CD33: variants seen among roughly 807,000 people sequenced by gnomAD.
CD33 encodes the protein CD33 molecule.
CD33 carries 25 observed loss-of-function variants against 31.4 expected under a neutral mutation model. That is an observed-to-expected ratio of 0.80 (90% confidence interval 0.58 to 1.11). The LOEUF is 1.11. CD33 is among the 50% of genes most tolerant of loss of function. The probability of loss-of-function intolerance (pLI) is 0.00; values close to 1 mark genes in which losing one functional copy is unlikely to be tolerated. For synonymous variants in CD33, 176 were observed against 180.6 expected, an observed-to-expected ratio of 0.97 and a Z score of 0.20; for missense variants, 407 against 448.1, an observed-to-expected ratio of 0.91 and a Z score of 0.83.
At chr19:51,224,047 G>A (rs1980817180), upstream of CD33, among the ~76,000 whole-genome samples, 1 of 152,202 alleles carries the variant, frequency 6.6e-6, no homozygotes, top group Admixed American at 6.5e-5. Flanking sequence ...CACGAATGGT[G>A]GCTCACCAGT....
chr19:51,231,629 A>T, intron 4 of CD33, among the ~76,000 whole-genome samples: 1 of 133,138 alleles, frequency 7.5e-6, no homozygotes, highest in African/African-American at 2.9e-5. Context: ...TAGTGATAAG[A>T]TTTGATTCCT....
rs1980991983 is a variant in CD33, at chr19:51,225,972, G to C, written c.588G>C (p.Val196=). 2 of 1,614,012 alleles carry C rather than the reference G, an allele frequency of 1.2e-6. No homozygotes were observed. Among genetic ancestry groups the C allele is most frequent in the South Asian group, 2.2e-5 (2 of 91,080 alleles). The change falls in exon 3 of 7, where the codon GTG becomes GTC. Residue 196 remains valine, a synonymous_variant. Coordinates refer to ENST00000262262, the MANE Select transcript of CD33 (RefSeq NM_001772.4). ...GCCCCAGGACTACTCACTCCTCGGT[G>C]CTCATAATCACCCCACGGCCCCAGG... ...SLGPRTTHSS[V]LIITPRPQDH... is the part of the protein sequence containing the mutation.
intron 6 of CD33, chr19:51,235,958 A>G (rs998620778): frequency 1.9e-5 from 13 of 692,092 alleles, no homozygotes; most frequent in East Asian, 1.1e-4. Flanking sequence ...GGAGATTGAG[A>G]CTATCCTGGC....
chr19:51,225,690 AG>A, intron 2 of CD33, 92 bp downstream of exon 2: 1 of 1,533,912 alleles, frequency 6.5e-7, no homozygotes, highest in Non-Finnish European at 8.8e-7. Context: ...GGAGGGGTTT[AG>A]GGGTAAAGCC....
At chr19:51,223,025 G>A (rs1273053065), upstream of CD33, among the ~76,000 whole-genome samples, 1 of 151,962 alleles carries the variant, frequency 6.6e-6, no homozygotes, top group Non-Finnish European at 1.5e-5. Context: ...ATCAGCCTGG[G>A]GGAACATAGC....
At chr19:51,234,031 G>A (rs1981607010) in intron 4 of CD33, among the ~76,000 whole-genome samples, 1 of 151,684 alleles carries the variant, frequency 6.6e-6, no homozygotes, top group African/African-American at 2.4e-5. Flanking sequence ...TTGCTCCAAT[G>A]GGGGCATTTT....
intron 6 of CD33, chr19:51,238,636 T>C (rs1414423516): frequency 6.6e-6 from 1 of 152,274 alleles, no homozygotes; most frequent in Non-Finnish European, 1.5e-5. Context: ...GAAATGGCTA[T>C]TTGAATGTAG....
chr19:51,232,184 T>C (rs1981476245), intron 4 of CD33, among the ~76,000 whole-genome samples: 1 of 152,240 alleles, frequency 6.6e-6, no homozygotes, highest in Non-Finnish European at 1.5e-5. Flanking sequence ...GGTATAGTAT[T>C]TTTGACTGTT....
chr19:51,231,750 CTTAT>C (rs1347219840), intron 4 of CD33, among the ~76,000 whole-genome samples: 2 of 147,338 alleles, frequency 1.4e-5, no homozygotes, highest in African/African-American at 4.9e-5. Flanking sequence ...TTTTTCTTCT[CTTAT>C]TTATTTTTAT....
upstream of CD33, among the ~76,000 whole-genome samples, chr19:51,223,686 T>G (rs1484957384): frequency 6.6e-6 from 1 of 152,196 alleles, no homozygotes; most frequent in East Asian, 1.9e-4. Context: ...GAAAAGAAGT[T>G]TTTTCTGCAC....
upstream of CD33, among the ~76,000 whole-genome samples, chr19:51,223,947 T>C (rs1286788546): frequency 6.6e-6 from 1 of 152,170 alleles, no homozygotes; most frequent in East Asian, 1.9e-4. Flanking sequence ...GGGAGTATCT[T>C]AAGGGCAGGA....
Position 51,237,373 on chromosome 19 carries a change from G to C in CD33, c.924+1697G>C, listed in dbSNP as rs546136343. 5.3e-5 allele frequency: 8 copies of C among 152,330 alleles called. No homozygotes were observed. In the East Asian group the frequency reaches 1.5e-3, roughly 29 times the overall value. 9.4% of individuals were successfully genotyped at this position (152,330 alleles called of 1,614,324 possible). A position where few individuals can be genotyped will look rare whatever the true frequency, so the allele number is the denominator to read the frequency against. Reference sequence around the variant, plus strand: ...GGGGGCTTAACATTTATTGGGGAAAGGGATGAAAATAATGAACAAATAAGC... The same window carrying C: ...GGGGGCTTAACATTTATTGGGGAAACGGATGAAAATAATGAACAAATAAGC... On this transcript the variant is annotated intron_variant, in intron 6 of 6. Transcript: ENST00000262262.
chr19:51,212,164 T>C, the CD33 span: 1 of 458,566 alleles, frequency 2.2e-6, no homozygotes, highest in Non-Finnish European at 4.2e-6. Context: ...CTGGTGGCTG[T>C]GTCCTAGAGG....
At chr19:51,221,336 A>G (rs1030650837), upstream of CD33, among the ~76,000 whole-genome samples, 3 of 152,210 alleles carry the variant, frequency 2.0e-5, no homozygotes, top group Non-Finnish European at 2.9e-5. Flanking sequence ...GAAAAGAAAA[A>G]CAGATGGCAA....
chr19:51,235,663 G>T lies in CD33; in HGVS notation c.911G>T (p.Gly304Val). The T allele has an allele frequency of 6.2e-7, 1 of 1,613,486 alleles. No individual in the cohort carries two copies. Among genetic ancestry groups the T allele is most frequent in the Non-Finnish European group, 8.5e-7 (1 of 1,179,804 alleles). ...VGRNDTHPTT[G>V]SASPKHQKKS... ...AGGAATGACACCCACCCTACCACAGGGTCAGCCTCCCCGGTGAGTGATGGG... is the reference window on the plus strand; with the variant it reads ...AGGAATGACACCCACCCTACCACAGTGTCAGCCTCCCCGGTGAGTGATGGG... The change falls in exon 6 of 7, where the codon GGG (glycine) becomes GTG (valine). Residue 304 changes from glycine to valine, a missense_variant. Coordinates refer to ENST00000262262, the MANE Select transcript of CD33 (RefSeq NM_001772.4).
At chr19:51,224,575 A>G (rs1451558385), upstream of CD33, among the ~76,000 whole-genome samples, 2 of 152,078 alleles carry the variant, frequency 1.3e-5, no homozygotes, top group Non-Finnish European at 2.9e-5. Context: ...GTCACTCACT[A>G]TATCTTTAGT....
the CD33 span, chr19:51,211,554 T>C: frequency 6.6e-7 from 1 of 1,519,424 alleles, no homozygotes; most frequent in South Asian, 1.3e-5. Context: ...CCAAACACAG[T>C]TACAAATCTC....
At chr19:51,223,901 ATG>A (rs1317331270), upstream of CD33, among the ~76,000 whole-genome samples, 2 of 152,134 alleles carry the variant, frequency 1.3e-5, no homozygotes, top group Non-Finnish European at 2.9e-5. Flanking sequence ...GCCAGACAGC[ATG>A]TGTGTGTGTG....
chr19:51,215,573 G>A, the CD33 span, among the ~76,000 whole-genome samples: 4,517 of 152,234 alleles, frequency 0.03, 227 homozygotes, highest in African/African-American at 0.1. Flanking sequence ...TGTTGTGGAC[G>A]TCTCACCCTC....
Sources: allele counts gnomAD v4.1 joint callset (sites outside exome capture counted in the v4.1 genomes callset), GRCh38; gene constraint gnomAD v4.1.1; transcripts MANE v1.5; gene names NCBI Gene and HGNC (gene_info 2026-07-23, HGNC 2026-07-21).